The following MICU1 variants were observed in gnomAD, a reference collection of about 807,000 sequenced individuals.
MICU1 encodes the protein mitochondrial calcium uptake 1, also known as calcium uptake protein 1, mitochondrial.
Under a neutral mutation model 56.8 loss-of-function variants are expected in MICU1, and 45 were observed. The observed-to-expected ratio is 0.79, with a 90% CI of 0.62 to 1.02. The LOEUF is 1.02. Among genes scored for constraint, MICU1 ranks in the 50% least tolerant of loss-of-function variants. MICU1 has a pLI of 0.00. For synonymous variants in MICU1, 186 were observed against 195.1 expected, an observed-to-expected ratio of 0.95 and a Z score of 0.39; for missense variants, 504 against 587.1, an observed-to-expected ratio of 0.86 and a Z score of 1.46.
At chr10:72,615,914 G>A (rs1482969375) in intron 1 of MICU1, among the ~76,000 whole-genome samples, 4 of 152,102 alleles carry the variant, frequency 2.6e-5, no homozygotes, top group Non-Finnish European at 4.4e-5. Context: ...GCGTGAACCC[G>A]GGAGGCGGAG....
intron 1 of MICU1, among the ~76,000 whole-genome samples, chr10:72,572,348 C>T (rs1027135691): frequency 3.3e-5 from 5 of 152,106 alleles, no homozygotes; most frequent in Non-Finnish European, 7.4e-5. Flanking sequence ...GGATTTCAAA[C>T]TTTGAAAGTT....
intron 6 of MICU1, among the ~76,000 whole-genome samples, chr10:72,478,158 G>A (rs1866182120): frequency 6.7e-6 from 1 of 149,722 alleles, no homozygotes; most frequent in Non-Finnish European, 1.5e-5. Context: ...TGTGAGCCAC[G>A]GCGTCTGGCC....
rs776507756 is a variant in MICU1 at position 72,566,654 on chromosome 10, C to T, written c.140G>A (p.Ser47Asn). The T allele has an allele frequency of 3.1e-6, 5 of 1,612,718 alleles. No homozygotes were observed. Among genetic ancestry groups the T allele is most frequent in the Non-Finnish European group, 4.2e-6 (5 of 1,179,398 alleles). Residue 47 changes from serine to asparagine, a missense_variant, in exon 2 of 12, where the codon AGT (serine) becomes AAT (asparagine). Coordinates refer to ENST00000361114, the MANE Select transcript of MICU1 (RefSeq NM_001195518.2). Reference protein sequence around the residue: ...AFLGASAVTASTGLLWKRAHA... With the variant: ...AFLGASAVTANTGLLWKRAHA... ...TCACCTCTTCCACAAAAGACCAGTA[C>T]TTGCAGTTACTGCAGATGCTCCCAG...
chr10:72,613,462 A>C (rs1028839753), intron 1 of MICU1, among the ~76,000 whole-genome samples: 2 of 151,206 alleles, frequency 1.3e-5, no homozygotes, highest in African/African-American at 4.9e-5. Flanking sequence ...TTTTTTGTAG[A>C]GCCCAGGTCC....
chr10:72,475,871 A>T, intron 7 of MICU1: 1 of 456,690 alleles, frequency 2.2e-6, no homozygotes. Context: ...CAACTTTATA[A>T]TTGGGATCCT....
At chr10:72,528,063 T>C (rs1388123428) in intron 5 of MICU1, among the ~76,000 whole-genome samples, 1 of 152,198 alleles carries the variant, frequency 6.6e-6, no homozygotes, top group South Asian at 2.1e-4. Flanking sequence ...TGACCTCAAG[T>C]GATCCACCTG....
chr10:72,604,562 C>T (rs1166629079), intron 1 of MICU1, among the ~76,000 whole-genome samples: 1 of 151,516 alleles, frequency 6.6e-6, no homozygotes, highest in Non-Finnish European at 1.5e-5. Flanking sequence ...CATGAGCCAG[C>T]GTGCCCGGCC....
At chr10:72,540,371 TA>T (rs201693523) in intron 4 of MICU1, among the ~76,000 whole-genome samples, 18 of 145,950 alleles carry the variant, frequency 1.2e-4, no homozygotes, top group East Asian at 3.9e-4. Context: ...TTGTAATGAT[TA>T]AAAAAAAAAA....
chr10:72,557,094 T>C (rs576171230), intron 3 of MICU1, among the ~76,000 whole-genome samples: 72 of 152,180 alleles, frequency 4.7e-4, no homozygotes, highest in Non-Finnish European at 8.4e-4. Flanking sequence ...AAAATCTCTA[T>C]GGCCTTGATT....
rs1056771908 is a variant in MICU1, at chr10:72,413,593, C to T, written c.1072-5556G>A. ...ACTAAAAGTACAAAAATTAGCCAGG[C>T]TGTGGTGGTGGGCACCTGTAATCCC... On this transcript the variant is annotated intron_variant, in intron 9 of 11. Transcript: ENST00000361114. 4.6e-5 allele frequency among the ~76,000 whole-genome samples: 7 copies of T among 152,076 alleles called. No homozygotes were observed. In the South Asian group the frequency reaches 1.0e-3, roughly 23 times the overall value.
chr10:72,407,896 A>C, intron 10 of MICU1, 33 bp downstream of exon 10: 1 of 1,451,002 alleles, frequency 6.9e-7, no homozygotes, highest in Non-Finnish European at 9.7e-7. Context: ...CAATGTTCAT[A>C]CCTTCAAAAA....
intron 6 of MICU1, among the ~76,000 whole-genome samples, chr10:72,481,242 T>C (rs866783856): frequency 6.6e-6 from 1 of 152,230 alleles, no homozygotes; most frequent in Non-Finnish European, 1.5e-5. Flanking sequence ...CAGTATATGA[T>C]GTCAAGCGAT....
At chr10:72,413,867 T>C (rs1409239790) in intron 9 of MICU1, among the ~76,000 whole-genome samples, 1 of 152,186 alleles carries the variant, frequency 6.6e-6, no homozygotes, top group Non-Finnish European at 1.5e-5. Context: ...AGTGAATGGC[T>C]AATAAGTACA....
At chr10:72,377,493 CTT>C (rs1862564223) in intron 10 of MICU1, among the ~76,000 whole-genome samples, 1 of 152,136 alleles carries the variant, frequency 6.6e-6, no homozygotes, top group African/African-American at 2.4e-5. Context: ...CAAAAAATCA[CTT>C]TTCTCTTGCC....
intron 5 of MICU1, among the ~76,000 whole-genome samples, chr10:72,521,067 A>T (rs539944681): frequency 6.6e-6 from 1 of 152,116 alleles, no homozygotes; most frequent in Admixed American, 6.6e-5. Context: ...TGTTGTTTTT[A>T]GTCACTTGGG....
At chr10:72,534,154 A>C (rs1839563812) in intron 4 of MICU1, among the ~76,000 whole-genome samples, 1 of 151,750 alleles carries the variant, frequency 6.6e-6, no homozygotes. Context: ...CTGAATGCAT[A>C]ATAATTTTTT....
At chr10:72,486,684 C>CT (rs943400321) in intron 6 of MICU1, among the ~76,000 whole-genome samples, 1 of 152,182 alleles carries the variant, frequency 6.6e-6, no homozygotes, top group Non-Finnish European at 1.5e-5. Context: ...ATTGGCCAGG[C>CT]TGGTCCCAAA....
At chr10:72,419,247 T>C (rs1477101049) in intron 9 of MICU1, among the ~76,000 whole-genome samples, 3 of 152,266 alleles carry the variant, frequency 2.0e-5, no homozygotes, top group Admixed American at 1.3e-4. Context: ...TCTTCCAGCA[T>C]AGGGGTAAAA....
intron 8 of MICU1, among the ~76,000 whole-genome samples, chr10:72,433,822 A>G (rs1864623323): frequency 6.6e-6 from 1 of 152,236 alleles, no homozygotes; most frequent in South Asian, 2.1e-4. Context: ...TTTATTTTAA[A>G]CAAGGAAACA....
Sources: allele counts gnomAD v4.1 joint callset (sites outside exome capture counted in the v4.1 genomes callset), GRCh38; gene constraint gnomAD v4.1.1; transcripts MANE v1.5; gene names NCBI Gene and HGNC (gene_info 2026-07-23, HGNC 2026-07-21).